Variants in C1QTNF6 observed in about 807,000 individuals in gnomAD.
The protein encoded by C1QTNF6 is complement C1q tumor necrosis factor-related protein 6.
In C1QTNF6, 17 loss-of-function variants were observed where a neutral mutation model predicts 20.7. The observed-to-expected ratio is 0.82, with a 90% CI of 0.56 to 1.23. C1QTNF6 has a LOEUF of 1.23. C1QTNF6 is among the 50% of genes most tolerant of loss of function. The probability of loss-of-function intolerance (pLI) is 0.00; values close to 1 mark genes in which losing one functional copy is unlikely to be tolerated. For missense variants in C1QTNF6, 329 were observed against 389.7 expected, an observed-to-expected ratio of 0.84 and a Z score of 1.31; for synonymous variants, 130 against 156.3, an observed-to-expected ratio of 0.83 and a Z score of 1.25.
In C1QTNF6 at chr22:37,184,503, CG is replaced by C. The variant is rs1467157654; in HGVS notation, c.289+714del. On this transcript the variant is annotated intron_variant, in intron 2 of 2. Transcript: ENST00000337843. This position sits in a 1 kb window ranked among gnomAD's most constrained non-coding sequence, Gnocchi z 4.0. ...CTCACCTGGATGCCTTTCACCTGGA[CG>C]GGCCCTCACCTGGACAGCCCTCACC... is the stretch of plus-strand genomic sequence containing the variant. 92 of 644,694 alleles carry C rather than the reference CG, an allele frequency of 1.4e-4. No homozygotes were observed. The highest frequency in any genetic ancestry group is 3.6e-4 in the Middle Eastern group (1 of 2,798). 39.9% of individuals were successfully genotyped at this position (644,694 alleles called of 1,614,324 possible). A position where few individuals can be genotyped will look rare whatever the true frequency, so the allele number is the denominator to read the frequency against.
At chr22:37,186,618 C>T (rs529263628) in intron 1 of C1QTNF6, among the ~76,000 whole-genome samples, 3 of 152,262 alleles carry the variant, frequency 2.0e-5, no homozygotes, top group Middle Eastern at 6.8e-3. Context: ...GTAGCCTGGA[C>T]ACCAGGCGCT....
At chr22:37,194,262 C>G (rs229537) in intron 2 of C1QTNF6, among the ~76,000 whole-genome samples, 43,069 of 152,064 alleles carry the variant, frequency 0.28, 6,960 homozygotes, top group East Asian at 0.58. Context: ...GGCCCACATT[C>G]TATCCTATAG....
rs1217513381 is a variant in C1QTNF6 at position 37,185,280 on chromosome 22, G to A, written c.227C>T (p.Ser76Phe). The stretch of plus-strand genomic sequence containing the variant: ...AGGCAGGGCGTGGGGGCGGCCGGAG[G>A]AAGAGGCTGAGGATACATGGGCAGG... ...LDPAHVSSAS[S>F]SGRPHALPEI... The change falls in exon 2 of 3, where the codon TCC becomes TTC. Residue 76 changes from serine (S) to phenylalanine (F), a missense_variant. Coordinates refer to ENST00000337843, the MANE Select transcript of C1QTNF6 (RefSeq NM_031910.4). 1 of 1,610,516 alleles carries A rather than the reference G, an allele frequency of 6.2e-7. No homozygotes were observed.
intron 2 of C1QTNF6, 175 bp from the exon 3 acceptor site, chr22:37,182,910 C>T: frequency 7.0e-7 from 1 of 1,434,274 alleles, no homozygotes; most frequent in Non-Finnish European, 9.1e-7. Flanking sequence ...CTAAAGAAAA[C>T]ATCATGACCG....
At chr22:37,192,873 G>C (rs1042706849), upstream of C1QTNF6, among the ~76,000 whole-genome samples, 3 of 152,162 alleles carry the variant, frequency 2.0e-5, no homozygotes, top group Admixed American at 6.5e-5. Flanking sequence ...CTTCAGGGTG[G>C]AGCCCTTCAA....
At chr22:37,190,706 AAGG>A (rs1569069322), upstream of C1QTNF6, 3 of 151,816 alleles carry the variant, frequency 2.0e-5, no homozygotes, top group Non-Finnish European at 4.4e-5. Flanking sequence ...AAGAAGAAAG[AAGG>A]AAAAACAGAT....
chr22:37,194,811 C>CA lies in C1QTNF6; in HGVS notation n.224+569dup, dbSNP rs565260106. ...TGGAATGCCCTCCAACCAGAAGTTT[C>CA]AACATATGGTAGCTGGGCAAGATGG... On this transcript the variant is annotated intron_variant and non_coding_transcript_variant, in intron 2 of 4. Transcript: ENST00000467564. Among the ~76,000 whole-genome samples, 182 of 152,282 alleles carry CA rather than the reference C, an allele frequency of 1.2e-3. 2 individuals are homozygous for CA. In the South Asian group the frequency reaches 0.036, roughly 30 times the overall value.
upstream of C1QTNF6, among the ~76,000 whole-genome samples, chr22:37,198,891 G>A (rs555388953): frequency 6.6e-6 from 1 of 152,282 alleles, no homozygotes; most frequent in South Asian, 2.1e-4. Flanking sequence ...CCGCCCAGGG[G>A]CCGGGGAAAG....
upstream of C1QTNF6, among the ~76,000 whole-genome samples, chr22:37,192,835 T>C (rs1924900634): frequency 6.6e-6 from 1 of 152,214 alleles, no homozygotes; most frequent in Non-Finnish European, 1.5e-5. Context: ...CATTTGCCAA[T>C]TTTTAAGTTT....
chr22:37,190,963 A>C (rs901556612), upstream of C1QTNF6: 1 of 152,206 alleles, frequency 6.6e-6, no homozygotes, highest in Admixed American at 6.5e-5. Flanking sequence ...ACAACATTTT[A>C]AGCAAAAAGT....
At chr22:37,192,631 C>T (rs1924889814), upstream of C1QTNF6, among the ~76,000 whole-genome samples, 1 of 152,200 alleles carries the variant, frequency 6.6e-6, no homozygotes, top group Non-Finnish European at 1.5e-5. Context: ...ATCTTTAAAA[C>T]TGTCTCTATT....
rs969303346 is a variant in C1QTNF6, at chr22:37,184,493, T to TTCACCTGGACGGGCCC, written c.289+709_289+724dup. The TTCACCTGGACGGGCCC allele has an allele frequency of 4.9e-5, 33 of 668,458 alleles. No homozygotes were observed. The highest frequency in any genetic ancestry group is 3.0e-4 in the African/African-American group (15 of 50,846). 41.4% of individuals were successfully genotyped at this position (668,458 alleles called of 1,614,324 possible). A position where few individuals can be genotyped will look rare whatever the true frequency, so the allele number is the denominator to read the frequency against. ...CTGGACGGCCCTCACCTGGATGCCTTTCACCTGGACGGGCCCTCACCTGGA... is the reference window on the plus strand; with the variant it reads ...CTGGACGGCCCTCACCTGGATGCCTTTCACCTGGACGGGCCCTCACCTGGACGGGCCCTCACCTGGA... On this transcript the variant is annotated intron_variant, in intron 2 of 2. Coordinates refer to ENST00000337843, the MANE Select transcript of C1QTNF6 (RefSeq NM_031910.4). This position sits in a 1 kb window ranked among gnomAD's most constrained non-coding sequence, Gnocchi z 4.0.
chr22:37,180,814 C>G lies in C1QTNF6; in HGVS notation c.*1374G>C, dbSNP rs946095639. The G allele has an allele frequency of 2.0e-5, 3 of 152,930 alleles. No individual in the cohort carries two copies. Among genetic ancestry groups the G allele is most frequent in the African/African-American group, 7.3e-5 (3 of 41,364 alleles). 9.5% of individuals were successfully genotyped at this position (152,930 alleles called of 1,614,324 possible). On this transcript the variant is annotated 3_prime_UTR_variant, in exon 3 of 3. Coordinates refer to ENST00000337843, the MANE Select transcript of C1QTNF6 (RefSeq NM_031910.4). ...GCCCTGGCAGAGCCCTGGGAGGAGGCAGGAAGGGGATCCCAGTGAGGAGGG... is the reference window on the plus strand; with the variant it reads ...GCCCTGGCAGAGCCCTGGGAGGAGGGAGGAAGGGGATCCCAGTGAGGAGGG...
intron 1 of C1QTNF6, chr22:37,185,994 A>C: frequency 4.1e-6 from 4 of 985,654 alleles, no homozygotes; most frequent in Non-Finnish European, 4.8e-6. Flanking sequence ...GCTTGTTCTC[A>C]GGAGAGGGGA....
chr22:37,188,874 A>T (rs1288981480), upstream of C1QTNF6, among the ~76,000 whole-genome samples: 1 of 152,222 alleles, frequency 6.6e-6, no homozygotes, highest in Non-Finnish European at 1.5e-5. Flanking sequence ...ACCCCAAGAG[A>T]GAATTCTTGG....
Position 37,194,748 on chromosome 22 carries a change from C to T in C1QTNF6, n.224+633G>A, listed in dbSNP as rs561511568. Reference sequence around the variant, plus strand: ...ACCTGGCAAGGCTCAAACTTGCTCCCGATGGCCCTTGTCATCTTTGATCCA... The same window carrying T: ...ACCTGGCAAGGCTCAAACTTGCTCCTGATGGCCCTTGTCATCTTTGATCCA... On this transcript the variant is annotated intron_variant and non_coding_transcript_variant, in intron 2 of 4. Coordinates refer to the C1QTNF6 transcript ENST00000467564. 1.2e-3 allele frequency among the ~76,000 whole-genome samples: 190 copies of T among 152,322 alleles called. 1 individual carries two copies. The highest frequency in any genetic ancestry group is 4.3e-3 in the African/African-American group (178 of 41,568).
At chr22:37,188,283 A>AGGAGGGAGAGTGGAGGGGAT, upstream of C1QTNF6, 1 of 1,153,060 alleles carries the variant, frequency 8.7e-7, no homozygotes, top group Non-Finnish European at 1.2e-6. Context: ...GGCCCAGCAG[A>AGGAGGGAGAGTGGAGGGGAT]GGAGGGAGAG....
chr22:37,186,602 C>T (rs894957724), intron 1 of C1QTNF6, among the ~76,000 whole-genome samples: 3 of 152,148 alleles, frequency 2.0e-5, no homozygotes, highest in Non-Finnish European at 4.4e-5. Flanking sequence ...AGGAGAGAGG[C>T]AGGAAGTAGC....
chr22:37,190,147 CA>C (rs1924716697), upstream of C1QTNF6, among the ~76,000 whole-genome samples: 1 of 152,226 alleles, frequency 6.6e-6, no homozygotes, highest in South Asian at 2.1e-4. Context: ...GAATCTATGA[CA>C]GGTGTACCAT....
Sources: gnomAD v4.1 joint callset for allele counts (sites outside exome capture counted in the v4.1 genomes callset) on GRCh38, gnomAD v4.1.1 for gene constraint, Gnocchi (gnomAD v3.1) non-coding constraint, MANE v1.5 for transcripts, NCBI Gene and HGNC (gene_info 2026-07-23, HGNC 2026-07-21) for gene names.